The following RASGRP3 variants were observed in gnomAD, a reference collection of about 807,000 sequenced individuals.
RASGRP3 encodes RAS guanyl releasing protein 3, also known as ras guanyl-releasing protein 3.
RASGRP3 carries 54 observed loss-of-function variants against 82.7 expected under a neutral mutation model. That is an observed-to-expected ratio of 0.65 (90% CI 0.52 to 0.82). RASGRP3 has a LOEUF of 0.82. Ranked by LOEUF, RASGRP3 falls within the 40% of genes least tolerant of loss-of-function variation. RASGRP3 has a pLI of 0.00. For synonymous variants in RASGRP3, 309 were observed against 300.5 expected, an observed-to-expected ratio of 1.03 and a Z score of -0.29; for missense variants, 861 against 828.9, an observed-to-expected ratio of 1.04 and a Z score of -0.48.
At chr2:33,474,689 C>T (rs1426711712), upstream of RASGRP3, among the ~76,000 whole-genome samples, 1 of 152,208 alleles carries the variant, frequency 6.6e-6, no homozygotes, top group Non-Finnish European at 1.5e-5. Flanking sequence ...CATCTGCTCC[C>T]ACTTTGCCTT....
chr2:33,539,223 G>A lies in RASGRP3; in HGVS notation c.1278+13G>A. The A allele has an allele frequency of 6.4e-7, 1 of 1,562,092 alleles. No homozygotes were observed. Among genetic ancestry groups the A allele is most frequent in the Non-Finnish European group, 8.7e-7 (1 of 1,142,970 alleles). On this transcript the variant is annotated intron_variant, in intron 12 of 17. Transcript: ENST00000403687. Reference sequence around the variant, plus strand: ...GAAATTAGTGGAGGTAAGTGGTTGAGGGAGAATAAAGAGAGGGCACTAGAA... The same window carrying A: ...GAAATTAGTGGAGGTAAGTGGTTGAAGGAGAATAAAGAGAGGGCACTAGAA...
intron 1 of RASGRP3, among the ~76,000 whole-genome samples, chr2:33,491,428 T>C (rs1668835712): frequency 6.6e-6 from 1 of 151,740 alleles, no homozygotes; most frequent in Non-Finnish European, 1.5e-5. Flanking sequence ...GATTAATCAA[T>C]TGGAAATGTA....
At chr2:33,524,081 G>C (rs752014277) in intron 8 of RASGRP3, 29 bp downstream of exon 8, 2 of 1,604,746 alleles carry the variant, frequency 1.2e-6, no homozygotes, top group Non-Finnish European at 1.7e-6. Flanking sequence ...CTGGGTTCTT[G>C]AGTTCTAGAT....
At chr2:33,488,437 C>G (rs1245815265) in intron 1 of RASGRP3, among the ~76,000 whole-genome samples, 1 of 152,164 alleles carries the variant, frequency 6.6e-6, no homozygotes, top group Non-Finnish European at 1.5e-5. Flanking sequence ...GTAATGCTTT[C>G]TATATCAAGT....
chr2:33,463,194 G>T (rs1221807468), intron 2 of RASGRP3, among the ~76,000 whole-genome samples: 1 of 152,168 alleles, frequency 6.6e-6, no homozygotes, highest in East Asian at 1.9e-4. Flanking sequence ...GTGTTTTGTG[G>T]CATGAACGCT....
intron 9 of RASGRP3, 94 bp downstream of exon 9, chr2:33,524,642 A>G: frequency 1.0e-6 from 1 of 962,328 alleles, no homozygotes; most frequent in Non-Finnish European, 1.5e-6. Context: ...TCAGAGTGGG[A>G]AAGTTTTCCT....
Position 33,558,280 on chromosome 2 carries a change from C to G in RASGRP3, c.1649C>G (p.Ala550Gly). 1.9e-6 allele frequency: 3 copies of G among 1,613,518 alleles called. No homozygotes were observed. Among genetic ancestry groups the G allele is most frequent in the Non-Finnish European group, 2.5e-6 (3 of 1,179,756 alleles). The change falls in exon 16 of 18, where the codon GCG becomes GGG. Residue 550 changes from alanine (A) to glycine (G), a missense_variant. Physicochemically the swap from Ala to Gly is moderately conservative, Grantham distance 60 (BLOSUM62 0). Transcript: ENST00000403687. ...CTGGCCTGCAGGAGATTTGCCCGGGCGCCCTCCTTGAGCAGTGGTCATGGG... is the reference window on the plus strand; with the variant it reads ...CTGGCCTGCAGGAGATTTGCCCGGGGGCCCTCCTTGAGCAGTGGTCATGGG... The part of the protein sequence containing the change: ...LVLACRRFAR[A>G]PSLSSGHGSL...
Position 33,538,362 on chromosome 2 carries a change from G to A in RASGRP3, c.1162-732G>A, listed in dbSNP as rs575233653. On this transcript the variant is annotated intron_variant, in intron 11 of 17. Coordinates refer to ENST00000403687, the MANE Select transcript of RASGRP3 (RefSeq NM_001139488.2). ...TACTAAAATTACAAAAATTAGCTGGGCTTGATGGTGGGTATCTGTAATACC... is the reference window on the plus strand; with the variant it reads ...TACTAAAATTACAAAAATTAGCTGGACTTGATGGTGGGTATCTGTAATACC... 4.3e-4 allele frequency among the ~76,000 whole-genome samples: 65 copies of A among 152,120 alleles called. 1 individual carries two copies. In the South Asian group the frequency reaches 0.012, roughly 29 times the overall value.
At position 33,541,454 on chromosome 2, in the gene RASGRP3, T is replaced by C. The variant is rs1383304488; in HGVS notation, c.1279-2058T>C. Among the ~76,000 whole-genome samples, 2 of 147,002 alleles carry C rather than the reference T, an allele frequency of 1.4e-5. 1 individual carries two copies. The highest frequency in any genetic ancestry group is 1.4e-4 in the Admixed American group (2 of 14,274). On this transcript the variant is annotated intron_variant, in intron 12 of 17. Transcript: ENST00000403687. ...GAAGTGGAATTGCTGTGTCAGAGAG[T>C]AGGCACTTAAAATTCCTGATTGTCC...
upstream of RASGRP3, among the ~76,000 whole-genome samples, chr2:33,472,784 G>A (rs146748974): frequency 9.6e-3 from 1,361 of 142,454 alleles, 23 homozygotes; most frequent in African/African-American, 0.034. Context: ...GTGAAACCCC[G>A]TCTCTACTAA....
chr2:33,449,141 A>G (rs762819477), intron 2 of RASGRP3, among the ~76,000 whole-genome samples: 6 of 152,206 alleles, frequency 3.9e-5, no homozygotes, highest in Non-Finnish European at 8.8e-5. Context: ...TGTGATTGAG[A>G]CCTTAAACAA....
intron 2 of RASGRP3, among the ~76,000 whole-genome samples, chr2:33,467,105 A>T (rs1666742180): frequency 6.6e-6 from 1 of 152,036 alleles, no homozygotes; most frequent in African/African-American, 2.4e-5. Context: ...GGTATTATAT[A>T]TAATAATTAT....
chr2:33,498,469 G>A (rs965736744), intron 1 of RASGRP3, among the ~76,000 whole-genome samples: 2 of 152,184 alleles, frequency 1.3e-5, no homozygotes, highest in African/African-American at 4.8e-5. Flanking sequence ...GGCCAGCAAG[G>A]AAGGACTGTG....
In RASGRP3 at chr2:33,537,330, C is replaced by CAACACA. The variant is rs149899270; in HGVS notation, c.1162-1764_1162-1763insAACACA. Among the ~76,000 whole-genome samples, 326 of 95,674 alleles carry CAACACA rather than the reference C, an allele frequency of 3.4e-3. 27 individuals carry two copies. Among genetic ancestry groups the CAACACA allele is most frequent in the African/African-American group, 9.0e-3 (197 of 21,900 alleles). The allele number at this position is 95,674 out of a possible 152,430, so 62.8% of individuals were successfully genotyped here. ...TACACACACACACACACCGCCCCCC[C>CAACACA]CACACACACACACAAGTATATATAT... On this transcript the variant is annotated intron_variant, in intron 11 of 17. Coordinates refer to ENST00000403687, the MANE Select transcript of RASGRP3 (RefSeq NM_001139488.2).
upstream of RASGRP3, among the ~76,000 whole-genome samples, chr2:33,474,427 A>G (rs1184923559): frequency 2.6e-5 from 4 of 152,056 alleles, no homozygotes; most frequent in Admixed American, 1.3e-4. Flanking sequence ...GCTCACTGCA[A>G]CCTCTGCCTC....
exon 2 of RASGRP3, chr2:33,447,903 T>G (rs1665586438): frequency 6.6e-6 from 1 of 152,244 alleles, no homozygotes; most frequent in Non-Finnish European, 1.5e-5. Flanking sequence ...ACCCCTCTGA[T>G]GACCCATTTG....
Position 33,522,002 on chromosome 2 carries a change from C to T in RASGRP3, c.416C>T (p.Ser139Phe), listed in dbSNP as rs772279264. 1.7e-5 allele frequency: 27 copies of T among 1,613,856 alleles called. No homozygotes were observed. The highest frequency in any genetic ancestry group is 2.3e-5 in the Non-Finnish European group (27 of 1,179,828). ...AGAGTCACACAGAGGAAAAAAGTAT[C>T]CAAGAAGGGAAAAGCCTGTCTGCTG... is the stretch of plus-strand genomic sequence containing the variant. ...MRRVTQRKKV[S>F]KKGKACLLFD... is the part of the protein sequence containing the mutation. Residue 139 changes from serine (S) to phenylalanine (F), a missense_variant, in exon 7 of 18, where the codon TCC becomes TTC. Transcript: ENST00000403687.
Position 33,562,857 on chromosome 2 carries a change from C to A in RASGRP3, c.*120C>A. ...TGGAAAGATACCTGGATGTTTACTG[C>A]CTTGGGACACTGTGGGATCTCCATG... On this transcript the variant is annotated 3_prime_UTR_variant, in exon 18 of 18. Coordinates refer to ENST00000403687, the MANE Select transcript of RASGRP3 (RefSeq NM_001139488.2). 1.5e-6 allele frequency: 2 copies of A among 1,300,746 alleles called. No individual in the cohort carries two copies. Among genetic ancestry groups the A allele is most frequent in the South Asian group, 1.3e-5 (1 of 77,774 alleles). 80.6% of individuals were successfully genotyped at this position (1,300,746 alleles called of 1,614,324 possible).
At chr2:33,453,555 C>G (rs992879767) in intron 2 of RASGRP3, among the ~76,000 whole-genome samples, 1 of 152,154 alleles carries the variant, frequency 6.6e-6, no homozygotes, top group Non-Finnish European at 1.5e-5. Context: ...AAGGTGGCAT[C>G]TGACTGGCTT....
Sources: gnomAD v4.1 joint callset for allele counts (sites outside exome capture counted in the v4.1 genomes callset) on GRCh38, gnomAD v4.1.1 for gene constraint, MANE v1.5 for transcripts, NCBI Gene and HGNC (gene_info 2026-07-23, HGNC 2026-07-21) for gene names.